MARCHF7: variants seen among roughly 807,000 people sequenced by gnomAD.
The protein encoded by MARCHF7 is membrane associated ring-CH-type finger 7, also known as E3 ubiquitin-protein ligase MARCHF7.
Under a neutral mutation model 76.5 loss-of-function variants are expected in MARCHF7, and 20 were observed. The ratio of observed to expected loss-of-function variants is 0.26; its 90% CI spans 0.18 to 0.38. The LOEUF is 0.38. Ranked by LOEUF, MARCHF7 falls within the 10% of genes least tolerant of loss-of-function variation. The pLI is 1.00. For missense variants in MARCHF7, 797 were observed against 812.9 expected (o/e 0.98, Z 0.24); for synonymous variants, 295 against 293.0 (o/e 1.01, Z -0.07).
chr2:159,734,060 A>G (rs999291748), intron 4 of MARCHF7: 103 of 1,363,614 alleles, frequency 7.6e-5, no homozygotes, highest in Non-Finnish European at 9.2e-5. Flanking sequence ...GGCAACTATG[A>G]TCATCTTATG....
chr2:159,726,629 T>C (rs1702206290), intron 3 of MARCHF7, among the ~76,000 whole-genome samples: 1 of 152,170 alleles, frequency 6.6e-6, no homozygotes, highest in South Asian at 2.1e-4. Context: ...CCTGTTGTTA[T>C]TTTTTTGTGA....
chr2:159,718,365 T>G (rs1701267780), intron 3 of MARCHF7, among the ~76,000 whole-genome samples: 1 of 152,154 alleles, frequency 6.6e-6, no homozygotes, highest in African/African-American at 2.4e-5. Flanking sequence ...ACATATTTAT[T>G]AATACATTAA....
At chr2:159,715,380 T>C (rs1195180614) in intron 2 of MARCHF7, among the ~76,000 whole-genome samples, 2 of 151,972 alleles carry the variant, frequency 1.3e-5, no homozygotes, top group African/African-American at 4.8e-5. Flanking sequence ...TAATTTTGTG[T>C]GTGTGAGTGT....
chr2:159,719,398 G>T (rs1294972963), intron 3 of MARCHF7, among the ~76,000 whole-genome samples: 2 of 141,020 alleles, frequency 1.4e-5, no homozygotes, highest in East Asian at 2.4e-4. Flanking sequence ...CCACCACCCC[G>T]CCCACTCCCA....
intron 4 of MARCHF7, among the ~76,000 whole-genome samples, chr2:159,738,922 C>A (rs2357529): frequency 0.35 from 52,492 of 152,122 alleles, 9,259 homozygotes; most frequent in South Asian, 0.44. Flanking sequence ...GCCTGCAGAC[C>A]CATGCCAAGC....
At chr2:159,751,524 T>G (rs749740572) in intron 7 of MARCHF7, among the ~76,000 whole-genome samples, 2 of 152,208 alleles carry the variant, frequency 1.3e-5, no homozygotes, top group Non-Finnish European at 2.9e-5. Context: ...ACCCAGGGCA[T>G]GAAAGTCTCC....
chr2:159,713,384 G>A (rs1282307073), intron 1 of MARCHF7, among the ~76,000 whole-genome samples: 1 of 152,178 alleles, frequency 6.6e-6, no homozygotes, highest in South Asian at 2.1e-4. Context: ...AAGTACCAAA[G>A]TAAATATATT....
At chr2:159,726,717 T>A (rs567609364) in intron 3 of MARCHF7, among the ~76,000 whole-genome samples, 1 of 152,348 alleles carries the variant, frequency 6.6e-6, no homozygotes, top group East Asian at 1.9e-4. Context: ...ATATTCATAA[T>A]GTTGTGCAAA....
At chr2:159,713,167 C>A (rs186565769) in intron 1 of MARCHF7, among the ~76,000 whole-genome samples, 2 of 152,190 alleles carry the variant, frequency 1.3e-5, no homozygotes, top group Non-Finnish European at 2.9e-5. Context: ...AATATCGTGA[C>A]GCCCTGAGAG....
At chr2:159,767,152 C>T in intron 11 of MARCHF7, 132 bp from the exon 12 acceptor site, 1 of 661,400 alleles carries the variant, frequency 1.5e-6, no homozygotes, top group South Asian at 1.9e-5. Flanking sequence ...TACAACTTAT[C>T]ATTTTGATCA....
rs1285609533 is a variant in MARCHF7 at position 159,743,213 on chromosome 2, A to G, written c.306A>G (p.Ser102=). ...PKLSCTNCTT[S]AGRNVGNGLN... is the part of the protein sequence containing the mutation. ...TTTCCTGTACAAACTGTACTACCTC[A>G]GCTGGGAGAAATGTTGGAAATGGTT... Residue 102 remains serine, a synonymous_variant, in exon 5 of 12, where the codon TCA becomes TCG. Coordinates refer to ENST00000409175, the MANE Select transcript of MARCHF7 (RefSeq NM_001282805.2). The G allele has an allele frequency of 3.7e-6, 6 of 1,613,882 alleles. No individual in the cohort carries two copies. The highest frequency in any genetic ancestry group is 1.1e-5 in the South Asian group (1 of 91,042).
chr2:159,747,894 A>G lies in MARCHF7; in HGVS notation c.604A>G (p.Asn202Asp). 2 of 1,614,122 alleles carry G rather than the reference A, an allele frequency of 1.2e-6. No homozygotes were observed. Among genetic ancestry groups the G allele is most frequent in the Non-Finnish European group, 1.7e-6 (2 of 1,180,004 alleles). Residue 202 changes from asparagine (N) to aspartate (D), a missense_variant, in exon 7 of 12, where the codon AAC becomes GAC. Physicochemically the swap from Asn to Asp is conservative, Grantham distance 23. Transcript: ENST00000409175. ...STLQLNTSST[N>D]HQLPSEHQTI... ...TTTACAGTTGAATACATCATCCACA[A>G]ACCACCAATTGCCTTCTGAACATCA... is the stretch of plus-strand genomic sequence containing the variant.
At chr2:159,740,743 A>G (rs946216898) in intron 4 of MARCHF7, among the ~76,000 whole-genome samples, 12 of 152,240 alleles carry the variant, frequency 7.9e-5, no homozygotes, top group Non-Finnish European at 1.6e-4. Context: ...AATATTCTCT[A>G]GGCAAAGGAT....
chr2:159,741,641 G>C (rs1704138778), intron 4 of MARCHF7, among the ~76,000 whole-genome samples: 1 of 152,118 alleles, frequency 6.6e-6, no homozygotes, highest in African/African-American at 2.4e-5. Flanking sequence ...GTGAATTTTA[G>C]ATGAATGTAG....
chr2:159,740,642 G>C (rs1704018030), intron 4 of MARCHF7, among the ~76,000 whole-genome samples: 1 of 152,190 alleles, frequency 6.6e-6, no homozygotes, highest in Non-Finnish European at 1.5e-5. Context: ...GCTAGCTCCA[G>C]TTCATTGATT....
At chr2:159,720,174 C>A (rs562481374) in intron 3 of MARCHF7, among the ~76,000 whole-genome samples, 9 of 152,242 alleles carry the variant, frequency 5.9e-5, no homozygotes, top group African/African-American at 2.2e-4. Context: ...TACAGGAACG[C>A]AACACCATGC....
At chr2:159,749,045 C>T in intron 7 of MARCHF7, 142 bp downstream of exon 7, 1 of 930,718 alleles carries the variant, frequency 1.1e-6, no homozygotes, top group Non-Finnish European at 1.5e-6. Context: ...ATGGCACCAT[C>T]TCGGCTCACT....
At position 159,763,134 on chromosome 2, in the gene MARCHF7, C is replaced by T. The variant is rs538389145; in HGVS notation, c.2007+141C>T. ...AAATGTTTCTTAAAAATAAAGATAC[C>T]GTAGATTTAATGGAAATTGCTGTCT... On this transcript the variant is annotated intron_variant, in intron 10 of 11. Transcript: ENST00000409175. 2.2e-4 allele frequency: 101 copies of T among 453,102 alleles called. 1 individual carries two copies. Among genetic ancestry groups the T allele is most frequent in the African/African-American group, 1.9e-3 (93 of 49,546 alleles). The allele number at this position is 453,102 out of a possible 1,614,324, so 28.1% of individuals were successfully genotyped here. A position where few individuals can be genotyped will look rare whatever the true frequency, so the allele number is the denominator to read the frequency against.
chr2:159,742,438 T>C (rs1160563074), intron 4 of MARCHF7, among the ~76,000 whole-genome samples: 1 of 152,038 alleles, frequency 6.6e-6, no homozygotes, highest in African/African-American at 2.4e-5. Flanking sequence ...CTGAAAAGAC[T>C]GAAATATTAA....
Sources: allele counts gnomAD v4.1 joint callset (sites outside exome capture counted in the v4.1 genomes callset), GRCh38; gene constraint gnomAD v4.1.1; transcripts MANE v1.5; gene names NCBI Gene and HGNC (gene_info 2026-07-23, HGNC 2026-07-21).